Variants in C4orf46 observed in about 807,000 individuals in gnomAD.
The protein encoded by C4orf46 is chromosome 4 open reading frame 46.
A neutral mutation model predicts 9.1 loss-of-function variants in C4orf46; 8 were observed. The ratio of observed to expected loss-of-function variants is 0.88; its 90% CI spans 0.52 to 1.59. The LOEUF (loss-of-function observed/expected upper bound fraction) is 1.59, where lower values mean the gene tolerates loss of function less well. Ranked by LOEUF, C4orf46 falls within the 40% of genes most tolerant of loss-of-function variation. C4orf46 has a pLI of 0.00. For synonymous variants in C4orf46, 51 were observed against 58.8 expected (o/e 0.87, Z 0.61); for missense variants, 151 against 139.1 (o/e 1.09, Z -0.43).
In C4orf46 at chr4:158,669,718, A is replaced by C. The variant is rs1398690071; in HGVS notation, c.237T>G (p.Ala79=). 6.2e-7 allele frequency: 1 copy of C among 1,613,582 alleles called. No homozygotes were observed. Among genetic ancestry groups the C allele is most frequent in the Non-Finnish European group, 8.5e-7 (1 of 1,179,768 alleles). ...ATTTGAAGGCAAGTTCTTCCACTTGAGCTGATACTGCAGATGTGGCTTCAA... is the reference window on the plus strand; with the variant it reads ...ATTTGAAGGCAAGTTCTTCCACTTGCGCTGATACTGCAGATGTGGCTTCAA... ...KLLEATSAVS[A]QVEELAFKCT... is the part of the protein sequence containing the mutation. Residue 79 remains alanine, a synonymous_variant, in exon 2 of 2, where the codon GCT becomes GCG. Coordinates refer to ENST00000379205, the MANE Select transcript of C4orf46 (RefSeq NM_001008393.4).
At position 158,669,725 on chromosome 4, in the gene C4orf46, A is replaced by G; in HGVS notation, c.230T>C (p.Val77Ala). ...LTKLLEATSA[V>A]SAQVEELAFK... ...GGCAAGTTCTTCCACTTGAGCTGATACTGCAGATGTGGCTTCAAGAAGTTT... is the reference window on the plus strand; with the variant it reads ...GGCAAGTTCTTCCACTTGAGCTGATGCTGCAGATGTGGCTTCAAGAAGTTT... The change falls in exon 2 of 2, where the codon GTA becomes GCA. Residue 77 changes from valine (V) to alanine (A), a missense_variant. Coordinates refer to ENST00000379205, the MANE Select transcript of C4orf46 (RefSeq NM_001008393.4). 1 of 1,612,998 alleles carries G rather than the reference A, an allele frequency of 6.2e-7. No homozygotes were observed.
chr4:158,670,283 A>C (rs1263974550), intron 1 of C4orf46, among the ~76,000 whole-genome samples: 7 of 152,176 alleles, frequency 4.6e-5, no homozygotes, highest in Non-Finnish European at 1.5e-5. Context: ...TCAGCCTCCC[A>C]AAGTGCTGGG....
At chr4:158,671,990 A>T (rs113974551), upstream of C4orf46, 65 of 568,672 alleles carry the variant, frequency 1.1e-4, no homozygotes, top group African/African-American at 1.1e-3. Context: ...CATATGAGTC[A>T]ATTCACCTTA....
rs926767530 is a variant in C4orf46, at chr4:158,671,761, G to C, written c.41C>G (p.Pro14Arg). Residue 14 changes from proline to arginine, a missense_variant, in exon 1 of 2, where the codon CCG becomes CGG. Transcript: ENST00000379205. ...AGAGGAGGGAGAAGAGGGAGGCGGC[G>C]GGGGCGGCGAAGAAACCTGCAACTC... ...PEELQVSSPP[P>R]PPPSSPSSSD... The C allele has an allele frequency of 4.5e-6, 7 of 1,562,118 alleles. 1 individual carries two copies. In the South Asian group the frequency reaches 5.9e-5, roughly 13 times the overall value.
At chr4:158,669,840 G>C in intron 1 of C4orf46, 72 bp from the exon 2 acceptor site, 1 of 1,300,428 alleles carries the variant, frequency 7.7e-7, no homozygotes, top group Non-Finnish European at 1.1e-6. Flanking sequence ...GCTGAAAATA[G>C]CTTAAGGCTT....
chr4:158,668,430 C>T lies in C4orf46; in HGVS notation c.*1183G>A, dbSNP rs987357675. The T allele has an allele frequency of 3.3e-5, 5 of 152,678 alleles. No individual in the cohort carries two copies. The East Asian group carries it at 9.6e-4, about 29-fold the overall frequency. The allele number at this position is 152,678 out of a possible 1,614,324, so 9.5% of individuals were successfully genotyped here. ...CCATCCATCTGTCCCCTCTCATAGC[C>T]CCATTGTGGGGCATTAGAATATAGT... On this transcript the variant is annotated 3_prime_UTR_variant, in exon 2 of 2. Coordinates refer to ENST00000379205, the MANE Select transcript of C4orf46 (RefSeq NM_001008393.4).
Position 158,669,677 on chromosome 4 carries a change from C to CGT in C4orf46, c.276_277dup (p.Arg93HisfsTer11). 6.2e-7 allele frequency: 1 copy of CGT among 1,613,774 alleles called. No individual in the cohort carries two copies. The highest frequency in any genetic ancestry group is 8.5e-7 in the Non-Finnish European group (1 of 1,179,870). On this transcript the variant is annotated frameshift_variant, in exon 2 of 2. Transcript: ENST00000379205. LOFTEE classifies it high-confidence loss of function. ...GAGGTCCCGCCACGTTTTAAGGAAA[C>CGT]GTGCATTTTCTGTACATTTGAAGGC...
At position 158,671,854 on chromosome 4, in the gene C4orf46, C is replaced by T; in HGVS notation, c.-53G>A. The T allele has an allele frequency of 9.2e-6, 13 of 1,412,656 alleles. No homozygotes were observed. Among genetic ancestry groups the T allele is most frequent in the Non-Finnish European group, 1.1e-5 (12 of 1,065,788 alleles). The allele number at this position is 1,412,656 out of a possible 1,614,324, so 87.5% of individuals were successfully genotyped here. On this transcript the variant is annotated 5_prime_UTR_variant, in exon 1 of 2. Coordinates refer to ENST00000379205, the MANE Select transcript of C4orf46 (RefSeq NM_001008393.4). The stretch of plus-strand genomic sequence containing the variant: ...ACCCGAGAAGCCGAACCGACACCAA[C>T]TGTCTTTTAACCACTCGCGCCCAAA...
intron 1 of C4orf46, among the ~76,000 whole-genome samples, 156 bp downstream of exon 1, chr4:158,671,460 C>T (rs1773541572): frequency 6.7e-6 from 1 of 148,732 alleles, no homozygotes; most frequent in Non-Finnish European, 1.5e-5. Flanking sequence ...CTGCTGGCAT[C>T]CCCCCCGCTT....
In C4orf46 at chr4:158,667,575, T is replaced by C. The variant is rs1773411936; in HGVS notation, c.*2038A>G. 1 of 152,096 alleles carries C rather than the reference T, an allele frequency of 6.6e-6. No individual in the cohort carries two copies. The highest frequency in any genetic ancestry group is 1.5e-5 in the Non-Finnish European group (1 of 68,030). 9.4% of individuals were successfully genotyped at this position (152,096 alleles called of 1,614,324 possible). A position where few individuals can be genotyped will look rare whatever the true frequency, so the allele number is the denominator to read the frequency against. On this transcript the variant is annotated 3_prime_UTR_variant, in exon 2 of 2. Coordinates refer to ENST00000379205, the MANE Select transcript of C4orf46 (RefSeq NM_001008393.4). ...ACATAGAAAAATGAGCAAAAATGCC[T>C]GTAATCCCAGTGCTTTATAGGAGGA... is the stretch of plus-strand genomic sequence containing the variant.
At chr4:158,671,346 C>T (rs78223862) in intron 1 of C4orf46, among the ~76,000 whole-genome samples, 1,752 of 152,126 alleles carry the variant, frequency 0.012, 29 homozygotes, top group African/African-American at 0.037. Context: ...GAAGGCGAGA[C>T]AAAAAGAAAC....
At chr4:158,670,440 G>C (rs1046553626) in intron 1 of C4orf46, among the ~76,000 whole-genome samples, 1 of 151,718 alleles carries the variant, frequency 6.6e-6, no homozygotes, top group Non-Finnish European at 1.5e-5. Flanking sequence ...AATTCTTACT[G>C]CTATTTGGGT....
rs1230176358 is a variant in C4orf46 at position 158,669,749 on chromosome 4, T to C, written c.206A>G (p.Lys69Arg). 4 of 1,603,704 alleles carry C rather than the reference T, an allele frequency of 2.5e-6. No homozygotes were observed. Among genetic ancestry groups the C allele is most frequent in the Non-Finnish European group, 3.4e-6 (4 of 1,176,628 alleles). Residue 69 changes from lysine to arginine, a missense_variant, in exon 2 of 2, where the codon AAA (lysine) becomes AGA (arginine). Physicochemically the swap from Lys to Arg is conservative, Grantham distance 26. Transcript: ENST00000379205. ...TACTGCAGATGTGGCTTCAAGAAGTTTGGTTAATGAAAAGGCTGCCTAAAA... is the reference window on the plus strand; with the variant it reads ...TACTGCAGATGTGGCTTCAAGAAGTCTGGTTAATGAAAAGGCTGCCTAAAA... Reference protein sequence around the residue: ...QIGDAAFSLTKLLEATSAVSA... With the variant: ...QIGDAAFSLTRLLEATSAVSA...
chr4:158,669,832 T>C (rs769294126), intron 1 of C4orf46, 64 bp from the exon 2 acceptor site: 4 of 1,366,432 alleles, frequency 2.9e-6, no homozygotes, highest in Non-Finnish European at 4.0e-6. Flanking sequence ...ATAAGCAGGC[T>C]GAAAATAGCT....
chr4:158,671,559 C>A, intron 1 of C4orf46, 57 bp downstream of exon 1: 1 of 1,402,414 alleles, frequency 7.1e-7, no homozygotes, highest in Non-Finnish European at 9.4e-7. Context: ...CGAGCCCCGC[C>A]GCCGCCGGTC....
rs1773432600 is a variant in C4orf46 at position 158,668,292 on chromosome 4, A to T, written c.*1321T>A. Reference sequence around the variant, plus strand: ...GAGATGTAAGAAGAATATTTTTCTAATACTGAAATAAGCATATCTTTGGTA... The same window carrying T: ...GAGATGTAAGAAGAATATTTTTCTATTACTGAAATAAGCATATCTTTGGTA... On this transcript the variant is annotated 3_prime_UTR_variant, in exon 2 of 2. Transcript: ENST00000379205. 1 of 152,674 alleles carries T rather than the reference A, an allele frequency of 6.5e-6. No individual in the cohort carries two copies. Among genetic ancestry groups the T allele is most frequent in the South Asian group, 2.1e-4 (1 of 4,836 alleles). The allele number at this position is 152,674 out of a possible 1,614,324, so 9.5% of individuals were successfully genotyped here.
Position 158,668,902 on chromosome 4 carries a change from AAAC to A in C4orf46, c.*708_*710del. On this transcript the variant is annotated 3_prime_UTR_variant, in exon 2 of 2. Coordinates refer to ENST00000379205, the MANE Select transcript of C4orf46 (RefSeq NM_001008393.4). Reference sequence around the variant, plus strand: ...AAGTAAAGTCTTTAAAAAAAAAATCAAACAAGTACAAAAAATATTTATCATATA... The same window carrying A: ...AAGTAAAGTCTTTAAAAAAAAAATCAAAGTACAAAAAATATTTATCATATA... 1 of 152,206 alleles carries A rather than the reference AAAC, an allele frequency of 6.6e-6. No individual in the cohort carries two copies. The highest frequency in any genetic ancestry group is 1.5e-5 in the Non-Finnish European group (1 of 68,042). 9.4% of individuals were successfully genotyped at this position (152,206 alleles called of 1,614,324 possible).
At chr4:158,671,559 C>T in intron 1 of C4orf46, 57 bp downstream of exon 1, 1 of 1,402,414 alleles carries the variant, frequency 7.1e-7, no homozygotes. Context: ...CGAGCCCCGC[C>T]GCCGCCGGTC....
Position 158,669,758 on chromosome 4 carries a change from G to T in C4orf46, c.197C>A (p.Ser66Ter). ...VELQIGDAAFSLTKLLEATSA... is the reference protein window; with the variant it reads ...VELQIGDAAF ...TGTGGCTTCAAGAAGTTTGGTTAAT[G>T]AAAAGGCTGCCTAAAAAAAAAAAGT... Residue 66 changes from serine to a stop codon, truncating the protein, a stop_gained, in exon 2 of 2, where the codon TCA becomes TAA. Coordinates refer to ENST00000379205, the MANE Select transcript of C4orf46 (RefSeq NM_001008393.4). LOFTEE classifies it high-confidence loss of function. 1 of 1,588,068 alleles carries T rather than the reference G, an allele frequency of 6.3e-7. No individual in the cohort carries two copies. The highest frequency in any genetic ancestry group is 8.5e-7 in the Non-Finnish European group (1 of 1,170,796).
Sources: allele counts gnomAD v4.1 joint callset (sites outside exome capture counted in the v4.1 genomes callset), GRCh38; gene constraint gnomAD v4.1.1; transcripts MANE v1.5; gene names NCBI Gene and HGNC (gene_info 2026-07-23, HGNC 2026-07-21).